The following THADA variants were observed in gnomAD, a reference collection of about 807,000 sequenced individuals.
The protein encoded by THADA is THADA armadillo repeat containing.
A neutral mutation model predicts 219.8 loss-of-function variants in THADA; 213 were observed. The ratio of observed to expected loss-of-function variants is 0.97; its 90% CI spans 0.87 to 1.09. The LOEUF (loss-of-function observed/expected upper bound fraction) is 1.09. Among genes scored for constraint, THADA ranks in the 50% least tolerant of loss-of-function variants. The pLI, the probability that THADA is intolerant of heterozygous loss-of-function variation, is 0.00. For missense variants in THADA, 2,956 were observed against 2,311.3 expected (o/e 1.28, Z -5.72); for synonymous variants, 1,018 against 828.9 (o/e 1.23, Z -3.92).
intron 36 of THADA, among the ~76,000 whole-genome samples, chr2:43,265,724 A>G (rs2104234444): frequency 6.6e-6 from 1 of 152,280 alleles, no homozygotes; most frequent in East Asian, 1.9e-4. Flanking sequence ...ACTTGAAAAC[A>G]ACCCGAATCC....
At chr2:43,462,329 G>C (rs1318625021) in intron 26 of THADA, among the ~76,000 whole-genome samples, 1 of 152,074 alleles carries the variant, frequency 6.6e-6, no homozygotes, top group Non-Finnish European at 1.5e-5. Context: ...GTCCATGAAA[G>C]CCATTTGAAA....
intron 29 of THADA, among the ~76,000 whole-genome samples, chr2:43,386,820 C>T (rs1296166806): frequency 6.6e-6 from 1 of 150,754 alleles, no homozygotes; most frequent in Non-Finnish European, 1.5e-5. Flanking sequence ...TTTGCTTGAA[C>T]CCGGGAGGCA....
intron 20 of THADA, among the ~76,000 whole-genome samples, chr2:43,545,020 G>GATAGCT (rs1695836627): frequency 6.6e-6 from 1 of 152,170 alleles, no homozygotes; most frequent in Non-Finnish European, 1.5e-5. Context: ...GTTTGTCACA[G>GATAGCT]ATAGCTCTTA....
At chr2:43,521,777 G>C (rs56657399) in intron 22 of THADA, among the ~76,000 whole-genome samples, 3,316 of 152,248 alleles carry the variant, frequency 0.022, 124 homozygotes, top group African/African-American at 0.075. Flanking sequence ...AGTATTCTAA[G>C]ATAAGAATAA....
chr2:43,583,044 T>C (rs1398490308), intron 7 of THADA, among the ~76,000 whole-genome samples: 1 of 152,186 alleles, frequency 6.6e-6, no homozygotes, highest in Admixed American at 6.5e-5. Flanking sequence ...CCTTTGCTGA[T>C]CTCTTTTAGC....
At chr2:43,236,276 G>A (rs1034783967) in intron 36 of THADA, among the ~76,000 whole-genome samples, 1 of 152,246 alleles carries the variant, frequency 6.6e-6, no homozygotes, top group African/African-American at 2.4e-5. Context: ...AGGAAGGAAT[G>A]CTGAGATGTT....
chr2:43,339,235 G>C (rs1432892084), intron 30 of THADA, among the ~76,000 whole-genome samples: 2 of 152,176 alleles, frequency 1.3e-5, no homozygotes, highest in East Asian at 3.8e-4. Flanking sequence ...AATTTTAGTA[G>C]GGCACATATT....
intron 31 of THADA, among the ~76,000 whole-genome samples, chr2:43,311,112 G>A (rs1336134936): frequency 6.6e-6 from 1 of 152,012 alleles, no homozygotes; most frequent in Non-Finnish European, 1.5e-5. Context: ...GGAGGCGGAG[G>A]TTGCAGTGAA....
chr2:43,581,949 T>C, intron 7 of THADA, 21 bp from the exon 8 acceptor site: 1 of 1,492,560 alleles, frequency 6.7e-7, no homozygotes, highest in Non-Finnish European at 8.9e-7. Flanking sequence ...GAAAAGACAT[T>C]ATTACAAAAG....
rs541165915 is a variant in THADA at position 43,496,428 on chromosome 2, T to C, written c.3744+2405A>G. ...ACAAAAGAAAATGCGACTCAGTATT[T>C]AACCTCTTCCATTTCAATGTTTTGC... On this transcript the variant is annotated intron_variant, in intron 25 of 37. Transcript: ENST00000405975. 8.9e-4 allele frequency among the ~76,000 whole-genome samples: 136 copies of C among 152,318 alleles called. 1 individual carries two copies. The highest frequency in any genetic ancestry group is 3.2e-3 in the African/African-American group (132 of 41,576).
At chr2:43,488,903 T>C (rs1687247396) in intron 25 of THADA, among the ~76,000 whole-genome samples, 1 of 152,206 alleles carries the variant, frequency 6.6e-6, no homozygotes, top group African/African-American at 2.4e-5. Context: ...ATTGTAGCAT[T>C]TCCCTCATGA....
intron 29 of THADA, among the ~76,000 whole-genome samples, chr2:43,362,421 T>C (rs770218924): frequency 2.0e-5 from 3 of 152,250 alleles, no homozygotes; most frequent in Non-Finnish European, 2.9e-5. Context: ...CATGTTACTG[T>C]ACTGAATACG....
intron 16 of THADA, among the ~76,000 whole-genome samples, 166 bp downstream of exon 16, chr2:43,560,068 C>T (rs902846914): frequency 4.6e-5 from 7 of 152,190 alleles, no homozygotes; most frequent in African/African-American, 1.7e-4. Flanking sequence ...TTCCTCCTTT[C>T]CCACTAACCC....
chr2:43,400,970 C>A lies in THADA; in HGVS notation c.4059-2831G>T, dbSNP rs577798284. On this transcript the variant is annotated intron_variant, in intron 28 of 37. Coordinates refer to ENST00000405975, the MANE Select transcript of THADA (RefSeq NM_022065.5). The stretch of plus-strand genomic sequence containing the variant: ...AAAGTGATGAGGAAGAGTCTCAAGC[C>A]CTTCTGAAATAAATCGGATAGCCTC... 3.3e-5 allele frequency among the ~76,000 whole-genome samples: 5 copies of A among 152,152 alleles called. No individual in the cohort carries two copies. In the South Asian group the frequency reaches 1.0e-3, roughly 32 times the overall value.
Position 43,552,258 on chromosome 2 carries a change from G to A in THADA, c.2756C>T (p.Pro919Leu), listed in dbSNP as rs1433509356. 5.6e-6 allele frequency: 9 copies of A among 1,611,506 alleles called. No individual in the cohort carries two copies. The highest frequency in any genetic ancestry group is 1.1e-5 in the South Asian group (1 of 90,384). The part of the protein sequence containing the change: ...NSLLQAAAAF[P>L]MYGRVHCITG... ...TATACAGTGGACTCGCCCATACATT[G>A]GAAATGCTGCTGCTGCCTGAAGCAG... Residue 919 changes from proline to leucine, a missense_variant, in exon 18 of 38, where the codon CCA becomes CTA. Transcript: ENST00000405975.
intron 17 of THADA, among the ~76,000 whole-genome samples, chr2:43,554,284 A>G (rs1382214999): frequency 2.0e-5 from 3 of 152,170 alleles, no homozygotes; most frequent in African/African-American, 4.8e-5. Flanking sequence ...TAGCTTTTGT[A>G]TATGGCATAA....
chr2:43,521,903 T>A (rs1692541729), intron 22 of THADA, among the ~76,000 whole-genome samples: 1 of 152,230 alleles, frequency 6.6e-6, no homozygotes, highest in Non-Finnish European at 1.5e-5. Context: ...TTTAAATGGC[T>A]TCATCCATCC....
At chr2:43,587,727 T>C (rs1161529248) in intron 4 of THADA, among the ~76,000 whole-genome samples, 3 of 152,218 alleles carry the variant, frequency 2.0e-5, no homozygotes, top group Non-Finnish European at 4.4e-5. Flanking sequence ...TAATATCCTA[T>C]AAATGTTACT....
At chr2:43,362,608 T>C (rs1004711119) in intron 29 of THADA, among the ~76,000 whole-genome samples, 4 of 152,102 alleles carry the variant, frequency 2.6e-5, no homozygotes, top group Non-Finnish European at 5.9e-5. Context: ...GAGTGGTGAG[T>C]GAATGTGAAG....
Sources: gnomAD v4.1 joint callset for allele counts (sites outside exome capture counted in the v4.1 genomes callset) on GRCh38, gnomAD v4.1.1 for gene constraint, MANE v1.5 for transcripts, NCBI Gene and HGNC (gene_info 2026-07-23, HGNC 2026-07-21) for gene names.